The following ARL15 variants were observed in gnomAD, a reference collection of about 807,000 sequenced individuals.
The protein encoded by ARL15 is ADP-ribosylation factor-like protein 15.
A neutral mutation model predicts 25.2 loss-of-function variants in ARL15; 19 were observed. The ratio of observed to expected loss-of-function variants is 0.75; its 90% confidence interval spans 0.53 to 1.10. ARL15 has a LOEUF of 1.10. Ranked by LOEUF, ARL15 falls within the 50% of genes least tolerant of loss-of-function variation. The pLI, the probability that ARL15 is intolerant of heterozygous loss-of-function variation, is 0.00. For synonymous variants in ARL15, 94 were observed against 86.8 expected, an observed-to-expected ratio of 1.08 and a Z score of -0.46; for missense variants, 220 against 246.0, an observed-to-expected ratio of 0.89 and a Z score of 0.71.
chr5:53,926,455 G>T lies in ARL15; in HGVS notation c.463-39742C>A, dbSNP rs189099221. Among the ~76,000 whole-genome samples the T allele has an allele frequency of 2.0e-5, 3 of 152,232 alleles. No homozygotes were observed. In the East Asian group the frequency reaches 5.8e-4, roughly 29 times the overall value. Reference sequence around the variant, plus strand: ...GCCACTTCATCCAAAGCACAGACAGGTAAGAATATCTCTCATTTCTCCCAT... The same window carrying T: ...GCCACTTCATCCAAAGCACAGACAGTTAAGAATATCTCTCATTTCTCCCAT... On this transcript the variant is annotated intron_variant, in intron 4 of 4. Coordinates refer to ENST00000504924, the MANE Select transcript of ARL15 (RefSeq NM_019087.3).
chr5:53,933,558 T>C (rs1439036033), intron 4 of ARL15, among the ~76,000 whole-genome samples: 2 of 138,144 alleles, frequency 1.4e-5, no homozygotes, highest in South Asian at 2.3e-4. Context: ...GGCAGGAGAA[T>C]GGCGTGAACC....
At chr5:53,976,985 A>G (rs540921915) in intron 4 of ARL15, among the ~76,000 whole-genome samples, 134 of 152,340 alleles carry the variant, frequency 8.8e-4, no homozygotes, top group Non-Finnish European at 7.2e-4. Context: ...AATTACCAAG[A>G]GACTAACAAA....
chr5:54,188,727 A>T (rs1561259330), intron 1 of ARL15, among the ~76,000 whole-genome samples: 1 of 152,210 alleles, frequency 6.6e-6, no homozygotes. Context: ...AATTCTGCAC[A>T]TATTAAAATA....
At chr5:54,310,275 G>C in intron 1 of ARL15, 157 bp downstream of exon 1, 2 of 781,928 alleles carry the variant, frequency 2.6e-6, no homozygotes, top group Non-Finnish European at 2.0e-6. Flanking sequence ...CTGCCCCTCC[G>C]AGTCCAGGGA....
intron 4 of ARL15, among the ~76,000 whole-genome samples, chr5:53,935,136 A>T (rs1271328721): frequency 6.6e-6 from 1 of 152,240 alleles, no homozygotes; most frequent in Non-Finnish European, 1.5e-5. Flanking sequence ...AGAGTAAATA[A>T]TGAAATCAAT....
chr5:54,208,594 A>G (rs1755943079), intron 1 of ARL15, among the ~76,000 whole-genome samples: 1 of 152,338 alleles, frequency 6.6e-6, no homozygotes, highest in African/African-American at 2.4e-5. Context: ...GCTTAGAAAT[A>G]AATGGCATCA....
intron 4 of ARL15, among the ~76,000 whole-genome samples, chr5:53,939,018 C>T (rs988811270): frequency 5.3e-5 from 8 of 152,188 alleles, no homozygotes; most frequent in Admixed American, 5.2e-4. Context: ...AATCAACAAA[C>T]AATCCATCAC....
intron 1 of ARL15, among the ~76,000 whole-genome samples, chr5:54,197,980 G>C (rs1410651599): frequency 6.6e-6 from 1 of 151,730 alleles, no homozygotes; most frequent in Non-Finnish European, 1.5e-5. Context: ...GGGATGCAAG[G>C]CTGGTTCAAT....
intron 2 of ARL15, among the ~76,000 whole-genome samples, chr5:54,158,471 G>A (rs1411675475): frequency 2.0e-5 from 3 of 152,128 alleles, no homozygotes. Flanking sequence ...GTATTCTGTA[G>A]GTCAGTGCTT....
intron 4 of ARL15, among the ~76,000 whole-genome samples, chr5:54,034,832 C>CT (rs11374687): frequency 0.21 from 30,599 of 145,168 alleles, 3,521 homozygotes; most frequent in East Asian, 0.37. Flanking sequence ...AGCTAAATAA[C>CT]TTTTTTTTTT....
At chr5:53,941,443 G>A (rs956565589) in intron 4 of ARL15, among the ~76,000 whole-genome samples, 5 of 152,162 alleles carry the variant, frequency 3.3e-5, no homozygotes, top group African/African-American at 9.7e-5. Flanking sequence ...TGGGCCTGTC[G>A]TTAAAAATAA....
chr5:54,111,046 C>T (rs115717044), intron 4 of ARL15, among the ~76,000 whole-genome samples: 237 of 152,094 alleles, frequency 1.6e-3, no homozygotes, highest in African/African-American at 5.5e-3. Context: ...CTTCCATAAA[C>T]TTCAAGACTT....
intron 4 of ARL15, among the ~76,000 whole-genome samples, chr5:54,006,428 ATTTT>A (rs397729053): frequency 1.3e-5 from 2 of 148,442 alleles, no homozygotes; most frequent in African/African-American, 4.9e-5. Context: ...AACAAAAAAG[ATTTT>A]TTTTTTTTAC....
chr5:54,089,169 C>G (rs1237608933), intron 4 of ARL15, among the ~76,000 whole-genome samples: 7 of 152,174 alleles, frequency 4.6e-5, no homozygotes, highest in Non-Finnish European at 1.0e-4. Context: ...CCACTGCAGT[C>G]CATAACGGTT....
intron 4 of ARL15, among the ~76,000 whole-genome samples, chr5:54,091,107 T>A (rs1752113785): frequency 6.6e-6 from 1 of 152,186 alleles, no homozygotes; most frequent in African/African-American, 2.4e-5. Context: ...AGAATATATA[T>A]CAGACCATGG....
chr5:54,094,708 C>T (rs1405272563), intron 4 of ARL15, among the ~76,000 whole-genome samples: 1 of 152,166 alleles, frequency 6.6e-6, no homozygotes, highest in African/African-American at 2.4e-5. Flanking sequence ...GAATGCTGTA[C>T]AGTGACCAGG....
At chr5:54,074,919 C>T (rs156385) in intron 4 of ARL15, among the ~76,000 whole-genome samples, 110,954 of 151,192 alleles carry the variant, frequency 0.73, 41,383 homozygotes, top group Non-Finnish European at 0.8. Context: ...AATCTTCACA[C>T]ACTATTAATG....
intron 4 of ARL15, among the ~76,000 whole-genome samples, chr5:54,045,659 CAT>C (rs1336864145): frequency 1.3e-5 from 2 of 151,210 alleles, no homozygotes; most frequent in African/African-American, 4.9e-5. Context: ...ATCTTTAGGT[CAT>C]AGAGAGAGTG....
At chr5:53,950,957 A>T (rs1484504839) in intron 4 of ARL15, among the ~76,000 whole-genome samples, 1 of 152,246 alleles carries the variant, frequency 6.6e-6, no homozygotes, top group South Asian at 2.1e-4. Flanking sequence ...TGGGGTCAGC[A>T]AACTTGGCCT....
Sources: gnomAD v4.1 joint callset for allele counts (sites outside exome capture counted in the v4.1 genomes callset) on GRCh38, gnomAD v4.1.1 for gene constraint, MANE v1.5 for transcripts, NCBI Gene and HGNC (gene_info 2026-07-23, HGNC 2026-07-21) for gene names.